The following PIGU variants were observed in gnomAD, a reference collection of about 807,000 sequenced individuals.
The protein encoded by PIGU is phosphatidylinositol glycan anchor biosynthesis class U.
Under a neutral mutation model 49.9 loss-of-function variants are expected in PIGU, and 24 were observed. The ratio of observed to expected loss-of-function variants is 0.48; its 90% CI spans 0.35 to 0.68. PIGU has a LOEUF of 0.68. Among genes scored for constraint, PIGU ranks in the 30% least tolerant of loss-of-function variants. The pLI is 0.01. For missense variants in PIGU, 490 were observed against 532.6 expected, an observed-to-expected ratio of 0.92 and a Z score of 0.79; for synonymous variants, 220 against 205.7, an observed-to-expected ratio of 1.07 and a Z score of -0.59.
At chr20:34,589,495 G>C (rs1983858529) in intron 7 of PIGU, among the ~76,000 whole-genome samples, 1 of 151,952 alleles carries the variant, frequency 6.6e-6, no homozygotes, top group Non-Finnish European at 1.5e-5. Context: ...TGGGACTGCA[G>C]GTGCGCACCA....
At chr20:34,608,071 C>CTTTTTT (rs10555161) in intron 7 of PIGU, among the ~76,000 whole-genome samples, 1 of 123,862 alleles carries the variant, frequency 8.1e-6, no homozygotes, top group Non-Finnish European at 1.7e-5. Context: ...GGAGACATGA[C>CTTTTTT]TTTTTTTTTT....
At chr20:34,638,974 A>G (rs180733579) in intron 4 of PIGU, among the ~76,000 whole-genome samples, 4 of 152,248 alleles carry the variant, frequency 2.6e-5, no homozygotes, top group Non-Finnish European at 5.9e-5. Context: ...ATTAGAAAAC[A>G]GTATTTCAGA....
At chr20:34,672,829 T>G (rs1377922771) in intron 1 of PIGU, among the ~76,000 whole-genome samples, 3 of 129,542 alleles carry the variant, frequency 2.3e-5, no homozygotes, top group African/African-American at 8.6e-5. Flanking sequence ...CACTCCAGCC[T>G]GGGAGACAGA....
At chr20:34,613,357 C>CT (rs1984891452) in intron 7 of PIGU, among the ~76,000 whole-genome samples, 1 of 152,194 alleles carries the variant, frequency 6.6e-6, no homozygotes, top group Admixed American at 6.5e-5. Flanking sequence ...ACTATAGGTA[C>CT]TTAGTAAATA....
At chr20:34,645,209 A>G in intron 3 of PIGU, 66 bp downstream of exon 3, 1 of 1,349,038 alleles carries the variant, frequency 7.4e-7, no homozygotes, top group Non-Finnish European at 9.8e-7. Context: ...AAAAAGAGAG[A>G]GAGAGACAAT....
At chr20:34,587,678 C>A (rs1267541416) in intron 8 of PIGU, among the ~76,000 whole-genome samples, 1 of 152,176 alleles carries the variant, frequency 6.6e-6, no homozygotes, top group Non-Finnish European at 1.5e-5. Flanking sequence ...CGGTAACCAC[C>A]CTTCTACTCT....
At chr20:34,562,863 C>G (rs552488483) in intron 11 of PIGU, among the ~76,000 whole-genome samples, 1 of 152,340 alleles carries the variant, frequency 6.6e-6, no homozygotes, top group East Asian at 1.9e-4. Context: ...GCAGCCCTTT[C>G]TCACCCAGGC....
In PIGU at chr20:34,588,417, C is replaced by T. The variant is rs1281870960; in HGVS notation, c.782+36G>A. 7 of 1,586,814 alleles carry T rather than the reference C, an allele frequency of 4.4e-6. No individual in the cohort carries two copies. In the Admixed American group the frequency reaches 1.2e-4, roughly 28 times the overall value. ...GTATACAAGGGTTCCCTTTTCCCCA[C>T]AGCTTCTAGAATTTTCTAACGTGGT... On this transcript the variant is annotated intron_variant, in intron 8 of 11. Coordinates refer to ENST00000217446, the MANE Select transcript of PIGU (RefSeq NM_080476.5).
chr20:34,649,581 C>T (rs1304160643), intron 2 of PIGU, among the ~76,000 whole-genome samples: 1 of 150,376 alleles, frequency 6.6e-6, no homozygotes, highest in African/African-American at 2.5e-5. Context: ...AGTGCAGTGG[C>T]GTGATCTCGG....
In PIGU at chr20:34,581,558, A is replaced by G. The variant is rs1363090148; in HGVS notation, c.1041T>C (p.His347=). ...LYMAFFPVWN[H]LYRFLRNIFV... is the part of the protein sequence containing the mutation. ...GGCGGGAGTACTCACATCTGTAGAG[A>G]TGGTTCCACACGGGGAAGAAGGCCA... The change falls in exon 10 of 12, where the codon CAT becomes CAC. Residue 347 remains histidine, a synonymous_variant. Transcript: ENST00000217446. The G allele has an allele frequency of 6.2e-7, 1 of 1,612,936 alleles. No homozygotes were observed. The highest frequency in any genetic ancestry group is 1.3e-5 in the African/African-American group (1 of 74,876).
chr20:34,571,249 A>G (rs1983001299), intron 11 of PIGU, among the ~76,000 whole-genome samples: 1 of 152,196 alleles, frequency 6.6e-6, no homozygotes, highest in African/African-American at 2.4e-5. Flanking sequence ...AACAACCATA[A>G]TTAGCAAATG....
chr20:34,569,883 A>T (rs1281297002), intron 11 of PIGU, among the ~76,000 whole-genome samples: 1 of 152,212 alleles, frequency 6.6e-6, no homozygotes. Context: ...CCCTAATGGA[A>T]CCCACAGTCT....
intron 8 of PIGU, among the ~76,000 whole-genome samples, chr20:34,587,530 G>T (rs1392498257): frequency 6.6e-6 from 1 of 151,898 alleles, no homozygotes. Flanking sequence ...AGCAATTTTG[G>T]TATATACAAT....
chr20:34,647,782 T>G (rs1162474159), intron 2 of PIGU, among the ~76,000 whole-genome samples: 1 of 152,218 alleles, frequency 6.6e-6, no homozygotes, highest in Non-Finnish European at 1.5e-5. Context: ...GTCCATTATA[T>G]GGTCAACTTT....
intron 7 of PIGU, among the ~76,000 whole-genome samples, chr20:34,600,663 C>A (rs1417886087): frequency 1.3e-5 from 2 of 151,996 alleles, no homozygotes; most frequent in South Asian, 4.1e-4. Flanking sequence ...TCCCATTCCA[C>A]CCTACTGATA....
chr20:34,645,499 G>A (rs1279262555), intron 2 of PIGU, among the ~76,000 whole-genome samples, 165 bp from the exon 3 acceptor site: 1 of 152,130 alleles, frequency 6.6e-6, no homozygotes, highest in African/African-American at 2.4e-5. Context: ...TGCTTATAGG[G>A]GAGAATAATT....
At chr20:34,646,668 C>T (rs1346629174) in intron 2 of PIGU, among the ~76,000 whole-genome samples, 1 of 152,134 alleles carries the variant, frequency 6.6e-6, no homozygotes, top group Non-Finnish European at 1.5e-5. Flanking sequence ...CTCAGACTCC[C>T]GAACTGCTGG....
chr20:34,625,072 T>C (rs1238689541), intron 6 of PIGU, among the ~76,000 whole-genome samples: 2 of 151,622 alleles, frequency 1.3e-5, no homozygotes, highest in Non-Finnish European at 2.9e-5. Flanking sequence ...GAAGAAACTT[T>C]GGAAAAAAAA....
chr20:34,571,327 C>T (rs965533518), intron 11 of PIGU, among the ~76,000 whole-genome samples: 1 of 152,110 alleles, frequency 6.6e-6, no homozygotes, highest in African/African-American at 2.4e-5. Flanking sequence ...ACTGGTTTAC[C>T]TGCCGGTATA....
Sources: allele counts gnomAD v4.1 joint callset (sites outside exome capture counted in the v4.1 genomes callset), GRCh38; gene constraint gnomAD v4.1.1; transcripts MANE v1.5; gene names NCBI Gene and HGNC (gene_info 2026-07-23, HGNC 2026-07-21).